The following WNT9B variants were observed in gnomAD, a reference collection of about 807,000 sequenced individuals.
WNT9B encodes the protein protein Wnt-9b.
A neutral mutation model predicts 30.2 loss-of-function variants in WNT9B; 12 were observed. That is an observed-to-expected ratio of 0.40 (90% confidence interval 0.26 to 0.64). The LOEUF (loss-of-function observed/expected upper bound fraction) is 0.64. WNT9B is among the 30% of genes least tolerant of loss of function. The probability of loss-of-function intolerance (pLI) is 0.42; values close to 1 mark genes in which losing one functional copy is unlikely to be tolerated. For synonymous variants in WNT9B, 218 were observed against 216.9 expected, an observed-to-expected ratio of 1.01 and a Z score of -0.05; for missense variants, 442 against 485.2, an observed-to-expected ratio of 0.91 and a Z score of 0.84.
intron 1 of WNT9B, among the ~76,000 whole-genome samples, chr17:46,852,183 G>A (rs1166553929): frequency 6.6e-6 from 1 of 152,262 alleles, no homozygotes; most frequent in Non-Finnish European, 1.5e-5. Flanking sequence ...CGGAGACCGA[G>A]AGGGCTGGGT....
intron 1 of WNT9B, among the ~76,000 whole-genome samples, chr17:46,856,666 T>A (rs2084944522): frequency 6.6e-6 from 1 of 152,032 alleles, no homozygotes; most frequent in Non-Finnish European, 1.5e-5. Context: ...GTATTTTTAG[T>A]GAAGACACGG....
intron 1 of WNT9B, among the ~76,000 whole-genome samples, chr17:46,866,616 T>C (rs1040373195): frequency 6.6e-6 from 1 of 152,004 alleles, no homozygotes; most frequent in Admixed American, 6.6e-5. Flanking sequence ...GATGGGGTTT[T>C]TCAGGGTGGA....
In WNT9B at chr17:46,873,762, C is replaced by T. The variant is rs542545257; in HGVS notation, c.334+989C>T. 3.3e-4 allele frequency among the ~76,000 whole-genome samples: 49 copies of T among 150,760 alleles called. 1 individual carries two copies. In the South Asian group the frequency reaches 9.8e-3, roughly 30 times the overall value. On this transcript the variant is annotated intron_variant, in intron 2 of 3. Coordinates refer to ENST00000290015, the MANE Select transcript of WNT9B (RefSeq NM_003396.3). The stretch of plus-strand genomic sequence containing the variant: ...ATGGCTCACACCTGTAATCCCAGCA[C>T]TTTGAGAGGCCGAGGTCAGGAGTTT...
At chr17:46,835,595 C>A (rs2084619200) in intron 1 of WNT9B, among the ~76,000 whole-genome samples, 1 of 152,368 alleles carries the variant, frequency 6.6e-6, no homozygotes, top group Non-Finnish European at 1.5e-5. Flanking sequence ...CCCTGACTTA[C>A]CCCTCCTCCT....
rs536350770 is a variant in WNT9B, at chr17:46,878,614, T to C, written c.*1896T>C. Among the ~76,000 whole-genome samples the C allele has an allele frequency of 6.6e-6, 1 of 152,208 alleles. No individual in the cohort carries two copies. The highest frequency in any genetic ancestry group is 1.5e-5 in the Non-Finnish European group (1 of 68,028). On this transcript the variant is annotated 3_prime_UTR_variant, in exon 4 of 4. Coordinates refer to ENST00000290015, the MANE Select transcript of WNT9B (RefSeq NM_003396.3). Reference sequence around the variant, plus strand: ...TTCCCCACAGCATGGAGATTTTCTCTGCCTTCCCAATCCATCTTGCTCCTC... The same window carrying C: ...TTCCCCACAGCATGGAGATTTTCTCCGCCTTCCCAATCCATCTTGCTCCTC...
chr17:46,876,102 G>A, intron 3 of WNT9B, 143 bp from the exon 4 acceptor site: 1 of 753,838 alleles, frequency 1.3e-6, no homozygotes, highest in Admixed American at 2.9e-5. Flanking sequence ...AGAACTCCAG[G>A]CCAAGGGGAG....
chr17:46,865,105 G>A (rs896858074), intron 1 of WNT9B, among the ~76,000 whole-genome samples: 1 of 152,200 alleles, frequency 6.6e-6, no homozygotes, highest in Non-Finnish European at 1.5e-5. Flanking sequence ...TACGTGCCAG[G>A]GACAAAGGCT....
chr17:46,856,131 G>C (rs1185929621), intron 1 of WNT9B, among the ~76,000 whole-genome samples: 1 of 152,162 alleles, frequency 6.6e-6, no homozygotes, highest in East Asian at 1.9e-4. Context: ...TCCTCTCTAG[G>C]GATAGTACAG....
rs1037809317 is a variant in WNT9B, at chr17:46,876,816, A to G, written c.*98A>G. The G allele has an allele frequency of 6.9e-7, 1 of 1,445,042 alleles. No homozygotes were observed. Among genetic ancestry groups the G allele is most frequent in the South Asian group, 1.5e-5 (1 of 67,228 alleles). The allele number at this position is 1,445,042 out of a possible 1,614,324, so 89.5% of individuals were successfully genotyped here. A position where few individuals can be genotyped will look rare whatever the true frequency, so the allele number is the denominator to read the frequency against. ...CTCTGGGCAGACTGTCATCACATGCATGCATAAACCGGCATGTGTGCCAAT... is the reference window on the plus strand; with the variant it reads ...CTCTGGGCAGACTGTCATCACATGCGTGCATAAACCGGCATGTGTGCCAAT... On this transcript the variant is annotated 3_prime_UTR_variant, in exon 4 of 4. Transcript: ENST00000290015.
At chr17:46,850,056 G>C (rs2084823075), upstream of WNT9B, among the ~76,000 whole-genome samples, 1 of 152,092 alleles carries the variant, frequency 6.6e-6, no homozygotes, top group African/African-American at 2.4e-5. Context: ...TGCCATGTTG[G>C]CCAGGCTGGT....
At chr17:46,839,942 T>TTCTC (rs1426324306) in intron 1 of WNT9B, among the ~76,000 whole-genome samples, 1 of 149,520 alleles carries the variant, frequency 6.7e-6, no homozygotes, top group Non-Finnish European at 1.5e-5. Flanking sequence ...CTTTCTTTCT[T>TTCTC]TCTTTCTTTC....
downstream of WNT9B, among the ~76,000 whole-genome samples, chr17:46,880,679 G>A (rs538819446): frequency 9.6e-4 from 146 of 152,320 alleles, 1 homozygote; most frequent in African/African-American, 3.1e-3. Context: ...AGGCAGTGGG[G>A]CCAGGATTGG....
At chr17:46,868,447 A>T (rs9911622) in intron 1 of WNT9B, among the ~76,000 whole-genome samples, 1 of 151,434 alleles carries the variant, frequency 6.6e-6, no homozygotes, top group Non-Finnish European at 1.5e-5. Context: ...CACAAAAAAA[A>T]TAGCTGGGCG....
At chr17:46,844,770 T>A (rs2084755337) in intron 1 of WNT9B, among the ~76,000 whole-genome samples, 1 of 152,132 alleles carries the variant, frequency 6.6e-6, no homozygotes, top group South Asian at 2.1e-4. Context: ...TTTTTAAACT[T>A]CTAGTCCCTA....
chr17:46,875,893 G>C (rs2146610378), intron 3 of WNT9B, among the ~76,000 whole-genome samples: 1 of 152,316 alleles, frequency 6.6e-6, no homozygotes, highest in East Asian at 1.9e-4. Flanking sequence ...CAGTGCTCTA[G>C]CTGTTTATGA....
chr17:46,837,948 G>C (rs1188751418), intron 1 of WNT9B, among the ~76,000 whole-genome samples: 1 of 152,142 alleles, frequency 6.6e-6, no homozygotes, highest in Non-Finnish European at 1.5e-5. Flanking sequence ...CACTCAGAGG[G>C]GCTTCATGGG....
chr17:46,843,591 C>T (rs1301510811), intron 1 of WNT9B, among the ~76,000 whole-genome samples: 1 of 152,210 alleles, frequency 6.6e-6, no homozygotes, highest in Non-Finnish European at 1.5e-5. Flanking sequence ...GCTGCACAGT[C>T]GTTAAATATG....
intron 2 of WNT9B, 160 bp from the exon 3 acceptor site, chr17:46,874,941 A>ACC: frequency 8.8e-7 from 1 of 1,135,320 alleles, no homozygotes. Flanking sequence ...AGGGAGACCC[A>ACC]CCCGGAGCTG....
chr17:46,861,062 C>G (rs1050276826), intron 1 of WNT9B, among the ~76,000 whole-genome samples: 20 of 152,148 alleles, frequency 1.3e-4, no homozygotes, highest in Admixed American at 3.3e-4. Flanking sequence ...TGGGGGGAAA[C>G]TGTCAGAATC....
Sources: gnomAD v4.1 joint callset for allele counts (sites outside exome capture counted in the v4.1 genomes callset) on GRCh38, gnomAD v4.1.1 for gene constraint, MANE v1.5 for transcripts, NCBI Gene and HGNC (gene_info 2026-07-23, HGNC 2026-07-21) for gene names.